PRKG1: variants seen among roughly 807,000 people sequenced by gnomAD.
The protein encoded by PRKG1 is cGMP-dependent protein kinase 1.
Under a neutral mutation model 88.1 loss-of-function variants are expected in PRKG1, and 35 were observed. The observed-to-expected ratio is 0.40, with a 90% CI of 0.30 to 0.53. The LOEUF is 0.53. PRKG1 is among the 20% of genes least tolerant of loss of function. The pLI is 0.59. For synonymous variants in PRKG1, 303 were observed against 292.5 expected (o/e 1.04, Z -0.37); for missense variants, 540 against 839.8 (o/e 0.64, Z 4.41).
intron 3 of PRKG1, among the ~76,000 whole-genome samples, chr10:51,473,186 T>A (rs1310160413): frequency 1.3e-5 from 2 of 152,016 alleles, no homozygotes; most frequent in East Asian, 3.9e-4. Context: ...AATCCAATTA[T>A]GTAATCCCTG....
intron 1 of PRKG1, among the ~76,000 whole-genome samples, chr10:51,131,663 T>G (rs1845571633): frequency 6.6e-6 from 1 of 152,224 alleles, no homozygotes; most frequent in Admixed American, 6.5e-5. Context: ...ACAGTTTGTT[T>G]ACTTGTGCAC....
Position 52,030,883 on chromosome 10 carries a change from T to C in PRKG1, c.763-23601T>C, listed in dbSNP as rs138758807. On this transcript the variant is annotated intron_variant, in intron 5 of 17. Transcript: ENST00000373980. ...AGGAATTCTATGGAAATTTTGCTTG[T>C]GAGGGAAAGATACATCATTCTGTAA... Among the ~76,000 whole-genome samples, 657 of 152,314 alleles carry C rather than the reference T, an allele frequency of 4.3e-3. 6 individuals carry two copies. Among genetic ancestry groups the C allele is most frequent in the African/African-American group, 0.014 (602 of 41,566 alleles).
intron 3 of PRKG1, among the ~76,000 whole-genome samples, chr10:51,656,708 C>T (rs376844987): frequency 4.6e-5 from 7 of 152,078 alleles, no homozygotes; most frequent in Admixed American, 1.3e-4. Flanking sequence ...TCATCCCCTG[C>T]GCAAAAACCT....
chr10:51,350,840 C>T (rs994006525), intron 2 of PRKG1, among the ~76,000 whole-genome samples: 5 of 152,138 alleles, frequency 3.3e-5, no homozygotes, highest in East Asian at 3.9e-4. Context: ...CAGGTATACG[C>T]GTGCCATGGT....
intron 5 of PRKG1, among the ~76,000 whole-genome samples, chr10:51,989,675 T>C (rs923964653): frequency 2.6e-5 from 4 of 152,058 alleles, no homozygotes; most frequent in African/African-American, 9.7e-5. Flanking sequence ...TCATAGTTCA[T>C]TGAGCAGCAT....
intron 4 of PRKG1, among the ~76,000 whole-genome samples, chr10:51,806,372 G>A (rs1839308136): frequency 3.3e-5 from 5 of 152,124 alleles, no homozygotes; most frequent in Admixed American, 3.3e-4. Context: ...AGATGAAGAT[G>A]TCTCAATCTG....
intron 4 of PRKG1, among the ~76,000 whole-genome samples, chr10:51,810,630 G>GTA (rs1264273060): frequency 2.0e-5 from 3 of 151,936 alleles, no homozygotes; most frequent in Non-Finnish European, 2.9e-5. Flanking sequence ...AATAATGCTT[G>GTA]TATATATATC....
intron 2 of PRKG1, among the ~76,000 whole-genome samples, chr10:51,279,568 G>A (rs1243254176): frequency 6.6e-6 from 1 of 152,082 alleles, no homozygotes; most frequent in Admixed American, 6.5e-5. Flanking sequence ...CCCCTGTATT[G>A]GGTGCATATA....
chr10:52,039,522 A>T lies in PRKG1; in HGVS notation c.763-14962A>T, dbSNP rs1442107869. ...ATCTGGGCGTACATGTGCAAATCAC[A>T]GGGGATGCGATGGCTTGGCTTGGGC... On this transcript the variant is annotated intron_variant, in intron 5 of 17. Transcript: ENST00000373980. Among the ~76,000 whole-genome samples the T allele has an allele frequency of 2.0e-5, 3 of 152,120 alleles. No individual in the cohort carries two copies. In the East Asian group the frequency reaches 5.8e-4, roughly 29 times the overall value.
chr10:52,137,783 G>A (rs1208876431), intron 8 of PRKG1, among the ~76,000 whole-genome samples: 1 of 152,070 alleles, frequency 6.6e-6, no homozygotes, highest in Non-Finnish European at 1.5e-5. Context: ...TTGATCTACA[G>A]TTAGTTGAAT....
intron 4 of PRKG1, among the ~76,000 whole-genome samples, chr10:51,860,351 T>C (rs919288507): frequency 2.6e-5 from 4 of 152,226 alleles, no homozygotes; most frequent in African/African-American, 2.4e-5. Context: ...AACAGCTATT[T>C]ATCTGGAATA....
intron 8 of PRKG1, among the ~76,000 whole-genome samples, chr10:52,143,929 G>C (rs1837653533): frequency 6.6e-6 from 1 of 152,098 alleles, no homozygotes; most frequent in African/African-American, 2.4e-5. Flanking sequence ...CTCCTTCTTT[G>C]GATTAACTCT....
intron 3 of PRKG1, among the ~76,000 whole-genome samples, chr10:51,597,771 G>GA (rs1838492647): frequency 6.6e-6 from 1 of 151,958 alleles, no homozygotes; most frequent in African/African-American, 2.4e-5. Flanking sequence ...AAACAAAATG[G>GA]AAAAAATACG....
At chr10:52,116,968 A>G (rs1847701077) in intron 7 of PRKG1, among the ~76,000 whole-genome samples, 1 of 151,916 alleles carries the variant, frequency 6.6e-6, no homozygotes, top group African/African-American at 2.4e-5. Flanking sequence ...TCTAACCACT[A>G]TGTTCTACTC....
intron 5 of PRKG1, among the ~76,000 whole-genome samples, chr10:51,979,902 A>G (rs1482976311): frequency 6.6e-6 from 1 of 151,940 alleles, no homozygotes; most frequent in Non-Finnish European, 1.5e-5. Flanking sequence ...TAGTCTAGCT[A>G]GCAGTCTATC....
At chr10:51,785,107 C>T (rs1268804300) in intron 3 of PRKG1, among the ~76,000 whole-genome samples, 5 of 149,578 alleles carry the variant, frequency 3.3e-5, no homozygotes, top group African/African-American at 1.2e-4. Flanking sequence ...TTAGAAATAG[C>T]TTCTTGATTT....
chr10:51,534,803 A>G lies in PRKG1; in HGVS notation c.592+66967A>G, dbSNP rs73339946. 2.7e-3 allele frequency among the ~76,000 whole-genome samples: 410 copies of G among 152,294 alleles called. 3 individuals carry two copies. Among genetic ancestry groups the G allele is most frequent in the African/African-American group, 9.3e-3 (386 of 41,558 alleles). On this transcript the variant is annotated intron_variant, in intron 3 of 17. Transcript: ENST00000373980. The stretch of plus-strand genomic sequence containing the variant: ...AAAAATAAGTAGTGAAGAAGTGAAT[A>G]ACTAATTTTATCTAGGAGGATTGGT...
At chr10:51,232,468 C>T (rs981620707) in intron 2 of PRKG1, among the ~76,000 whole-genome samples, 1 of 152,030 alleles carries the variant, frequency 6.6e-6, no homozygotes, top group African/African-American at 2.4e-5. Flanking sequence ...TGGTGATGGA[C>T]TTGAAAAAAT....
chr10:51,212,783 G>T (rs1384846496), intron 2 of PRKG1, among the ~76,000 whole-genome samples: 5 of 152,208 alleles, frequency 3.3e-5, no homozygotes, highest in African/African-American at 1.2e-4. Flanking sequence ...TCTCACACCA[G>T]TTAGAATGGC....
Sources: gnomAD v4.1 joint callset for allele counts (sites outside exome capture counted in the v4.1 genomes callset) on GRCh38, gnomAD v4.1.1 for gene constraint, MANE v1.5 for transcripts, NCBI Gene and HGNC (gene_info 2026-07-23, HGNC 2026-07-21) for gene names.